Variants in ARHGAP31 observed in about 807,000 individuals in gnomAD.
ARHGAP31 encodes rho GTPase-activating protein 31.
ARHGAP31 carries 34 observed loss-of-function variants against 113.9 expected under a neutral mutation model. The ratio of observed to expected loss-of-function variants is 0.30; its 90% confidence interval spans 0.23 to 0.40. The LOEUF (loss-of-function observed/expected upper bound fraction) is 0.40, where lower values mean the gene tolerates loss of function less well. Among genes scored for constraint, ARHGAP31 ranks in the 10% least tolerant of loss-of-function variants. The pLI, the probability that ARHGAP31 is intolerant of heterozygous loss-of-function variation, is 1.00. For synonymous variants in ARHGAP31, 650 were observed against 684.8 expected (o/e 0.95, Z 0.79); for missense variants, 1,548 against 1,767.1 (o/e 0.88, Z 2.22).
At chr3:119,335,437 C>A (rs983518115) in intron 1 of ARHGAP31, among the ~76,000 whole-genome samples, 1 of 152,152 alleles carries the variant, frequency 6.6e-6, no homozygotes, top group Non-Finnish European at 1.5e-5. Flanking sequence ...TTTTGGAGAA[C>A]CCTAACCCCG....
At chr3:119,365,492 C>T in intron 2 of ARHGAP31, 74 bp downstream of exon 2, 1 of 1,348,064 alleles carries the variant, frequency 7.4e-7, no homozygotes, top group South Asian at 1.2e-5. Context: ...CCATCGGTGT[C>T]CAGAGTATTA....
chr3:119,394,300 T>G (rs1255438017), intron 8 of ARHGAP31, among the ~76,000 whole-genome samples: 1 of 152,176 alleles, frequency 6.6e-6, no homozygotes, highest in East Asian at 1.9e-4. Context: ...CCTATGGCAT[T>G]TGCTAAATGA....
intron 1 of ARHGAP31, among the ~76,000 whole-genome samples, chr3:119,306,207 T>C (rs770151123): frequency 3.3e-5 from 5 of 152,238 alleles, no homozygotes; most frequent in Non-Finnish European, 7.3e-5. Flanking sequence ...CTACTAGAGA[T>C]ACTCTTCAAA....
chr3:119,332,635 T>TCACACACACACA (rs71156743), intron 1 of ARHGAP31, among the ~76,000 whole-genome samples: 53 of 85,720 alleles, frequency 6.2e-4, no homozygotes, highest in Non-Finnish European at 8.5e-4. Flanking sequence ...TCTCTCTCTC[T>TCACACACACACA]CACACACACA....
chr3:119,294,866 G>A lies in ARHGAP31; in HGVS notation c.-39G>A, dbSNP rs762210061. The A allele has an allele frequency of 8.8e-6, 14 of 1,585,416 alleles. No homozygotes were observed. The Admixed American group carries it at 2.2e-4, about 25-fold the overall frequency. ...TCTTACAGCGGTGCCAAGCAGAGGG[G>A]CGGCAGAGACGGAGGGGCAGCCTCT... On this transcript the variant is annotated 5_prime_UTR_variant, in exon 1 of 12. Transcript: ENST00000264245.
At chr3:119,299,700 AG>A (rs2079563565) in intron 1 of ARHGAP31, among the ~76,000 whole-genome samples, 1 of 152,266 alleles carries the variant, frequency 6.6e-6, no homozygotes, top group African/African-American at 2.4e-5. Context: ...TTACAGTCTA[AG>A]GGATATGAAC....
chr3:119,308,773 A>T (rs1351787033), intron 1 of ARHGAP31, among the ~76,000 whole-genome samples: 4 of 152,234 alleles, frequency 2.6e-5, no homozygotes, highest in African/African-American at 9.6e-5. Flanking sequence ...CGCACTGGGC[A>T]AATTGCCCAT....
intron 1 of ARHGAP31, among the ~76,000 whole-genome samples, chr3:119,363,875 G>A (rs1285773042): frequency 6.6e-6 from 1 of 152,156 alleles, no homozygotes; most frequent in Non-Finnish European, 1.5e-5. Flanking sequence ...GCAGCCTCGA[G>A]AAGCCACTGA....
In ARHGAP31 at chr3:119,368,440, T is replaced by A; in HGVS notation, c.272T>A (p.Val91Glu). ...GTGTACCTCCAGGACATCCACTGTG[T>A]GGGCTCGCTTTGCAAGCTCTACTTT... ...REVYLQDIHCVGSLCKLYFRE... is the reference protein window; with the variant it reads ...REVYLQDIHCEGSLCKLYFRE... The change falls in exon 3 of 12, where the codon GTG (valine) becomes GAG (glutamate). Residue 91 changes from valine (V) to glutamate (E), a missense_variant. By Grantham distance (121) the Val-to-Glu change is moderately radical (BLOSUM62 -2). Coordinates refer to ENST00000264245, the MANE Select transcript of ARHGAP31 (RefSeq NM_020754.4). 1 of 1,614,166 alleles carries A rather than the reference T, an allele frequency of 6.2e-7. No homozygotes were observed. The highest frequency in any genetic ancestry group is 8.5e-7 in the Non-Finnish European group (1 of 1,180,014).
intron 7 of ARHGAP31, 93 bp from the exon 8 acceptor site, chr3:119,393,374 C>A: frequency 6.7e-7 from 1 of 1,490,360 alleles, no homozygotes; most frequent in Non-Finnish European, 9.3e-7. Flanking sequence ...CCATTCATAA[C>A]TGAGGACATA....
At chr3:119,325,750 GGAGA>G (rs1461910559) in intron 1 of ARHGAP31, among the ~76,000 whole-genome samples, 7 of 152,226 alleles carry the variant, frequency 4.6e-5, no homozygotes, top group Admixed American at 3.3e-4. Context: ...CTCAGGGAAA[GGAGA>G]GAGGAGCTAC....
At chr3:119,403,461 T>G (rs1410156077) in intron 10 of ARHGAP31, among the ~76,000 whole-genome samples, 1 of 152,296 alleles carries the variant, frequency 6.6e-6, no homozygotes, top group African/African-American at 2.4e-5. Context: ...GTTAAAAGAT[T>G]GTTAAGACAT....
At chr3:119,408,069 A>G (rs2080681728) in intron 10 of ARHGAP31, among the ~76,000 whole-genome samples, 1 of 138,150 alleles carries the variant, frequency 7.2e-6, no homozygotes, top group Non-Finnish European at 1.6e-5. Context: ...AGCAACCTAG[A>G]GATAATATTA....
chr3:119,355,371 T>G (rs1029480506), intron 1 of ARHGAP31, among the ~76,000 whole-genome samples: 2 of 152,096 alleles, frequency 1.3e-5, no homozygotes, highest in African/African-American at 4.8e-5. Flanking sequence ...AGTAACTATT[T>G]TCTTTGAGGA....
At chr3:119,363,458 T>C (rs1308001255) in intron 1 of ARHGAP31, among the ~76,000 whole-genome samples, 2 of 152,192 alleles carry the variant, frequency 1.3e-5, no homozygotes. Context: ...CTATGGTCTC[T>C]GGCCTCAATG....
At chr3:119,395,251 T>TA (rs2080540321) in intron 8 of ARHGAP31, among the ~76,000 whole-genome samples, 1 of 152,198 alleles carries the variant, frequency 6.6e-6, no homozygotes, top group Admixed American at 6.5e-5. Context: ...GTTTGCCTGT[T>TA]AGAGTAAGGA....
Position 119,415,290 on chromosome 3 carries a change from T to G in ARHGAP31, c.3361T>G (p.Phe1121Val). 6.2e-7 allele frequency: 1 copy of G among 1,614,124 alleles called. No individual in the cohort carries two copies. Among genetic ancestry groups the G allele is most frequent in the Non-Finnish European group, 8.5e-7 (1 of 1,180,008 alleles). The change falls in exon 12 of 12, where the codon TTT (phenylalanine) becomes GTT (valine). Residue 1121 changes from phenylalanine to valine, a missense_variant. Physicochemically the swap from Phe to Val is conservative, Grantham distance 50. Transcript: ENST00000264245. ...CATTCCCATTGCTGACCTCTTCTGG[T>G]TTGAGAATGTGGCCTCATTTAGTTC... ...PAIPIADLFW[F>V]ENVASFSSPG...
In ARHGAP31 at chr3:119,415,589, C is replaced by G; in HGVS notation, c.3660C>G (p.Ser1220Arg). The G allele has an allele frequency of 1.9e-6, 3 of 1,614,168 alleles. No homozygotes were observed. The highest frequency in any genetic ancestry group is 2.5e-6 in the Non-Finnish European group (3 of 1,180,032). Residue 1220 changes from serine to arginine, a missense_variant, in exon 12 of 12, where the codon AGC (serine) becomes AGG (arginine). By Grantham distance (110) the Ser-to-Arg change is moderately radical (BLOSUM62 -1). Transcript: ENST00000264245. ...TCCCACAGCCCCTGCCCTCTCAGAG[C>G]TCAGGGGAGAATGGGGTTCAGCCTC... ...TQIPQPLPSQ[S>R]SGENGVQPLE...
rs1340471878 is a variant in ARHGAP31, at chr3:119,409,704, T to C, written c.1854T>C (p.Ala618=). 6.2e-7 allele frequency: 1 copy of C among 1,610,118 alleles called. No individual in the cohort carries two copies. Among genetic ancestry groups the C allele is most frequent in the East Asian group, 2.2e-5 (1 of 44,804 alleles). Residue 618 remains alanine, a synonymous_variant, in exon 11 of 12, where the codon GCT becomes GCC. Transcript: ENST00000264245. ...PEKVVEEGRE[A]GEMESSTLQE... is the part of the protein sequence containing the mutation. ...AGGTGGTGGAGGAGGGACGAGAGGC[T>C]GGTGAGATGGAGTCCAGCACCCTGC...
Sources: allele counts gnomAD v4.1 joint callset (sites outside exome capture counted in the v4.1 genomes callset), GRCh38; gene constraint gnomAD v4.1.1; transcripts MANE v1.5; gene names NCBI Gene and HGNC (gene_info 2026-07-23, HGNC 2026-07-21).